The following PRSS23 variants were observed in gnomAD, a reference collection of about 807,000 sequenced individuals.
PRSS23 encodes the protein protease, serine 23.
A neutral mutation model predicts 34.7 loss-of-function variants in PRSS23; 25 were observed. The observed-to-expected ratio is 0.72, with a 90% CI of 0.53 to 1.01. The LOEUF (loss-of-function observed/expected upper bound fraction) is 1.01, where lower values mean the gene tolerates loss of function less well. Ranked by LOEUF, PRSS23 falls within the 50% of genes least tolerant of loss-of-function variation. The pLI is 0.00. For synonymous variants in PRSS23, 176 were observed against 186.6 expected, an observed-to-expected ratio of 0.94 and a Z score of 0.46; for missense variants, 445 against 475.6, an observed-to-expected ratio of 0.94 and a Z score of 0.60.
intron 1 of PRSS23, among the ~76,000 whole-genome samples, chr11:86,805,355 A>C (rs148951813): frequency 3.0e-4 from 45 of 152,318 alleles, no homozygotes; most frequent in African/African-American, 9.4e-4. Context: ...TCTCCATTGG[A>C]GAGGAGGACT....
intron 2 of PRSS23, among the ~76,000 whole-genome samples, chr11:86,928,504 T>A (rs1251319227): frequency 6.8e-6 from 1 of 147,272 alleles, no homozygotes; most frequent in African/African-American, 2.5e-5. Flanking sequence ...TAAAACCCCA[T>A]CTCTACTAAA....
chr11:86,818,230 A>G (rs1036706020), intron 1 of PRSS23, among the ~76,000 whole-genome samples: 2 of 152,214 alleles, frequency 1.3e-5, no homozygotes, highest in South Asian at 4.1e-4. Context: ...TATAAAACAA[A>G]TCATGTGTGA....
At chr11:86,908,328 C>T (rs1026155751) in intron 2 of PRSS23, among the ~76,000 whole-genome samples, 11 of 152,176 alleles carry the variant, frequency 7.2e-5, no homozygotes, top group African/African-American at 2.7e-4. Flanking sequence ...CAACAATGTA[C>T]AAGGAAACAC....
intron 2 of PRSS23, among the ~76,000 whole-genome samples, chr11:86,912,686 T>C (rs185137960): frequency 6.6e-6 from 1 of 152,326 alleles, no homozygotes; most frequent in East Asian, 1.9e-4. Context: ...TCATTATAAG[T>C]CTATTCTCAT....
intron 2 of PRSS23, among the ~76,000 whole-genome samples, chr11:86,876,103 C>G (rs1431866123): frequency 1.3e-5 from 2 of 152,112 alleles, no homozygotes; most frequent in Non-Finnish European, 2.9e-5. Flanking sequence ...CAATTAATAA[C>G]CCTGCCTGAA....
intron 2 of PRSS23, among the ~76,000 whole-genome samples, chr11:86,834,253 G>T (rs187747894): frequency 6.6e-6 from 1 of 152,160 alleles, no homozygotes; most frequent in Admixed American, 6.5e-5. Flanking sequence ...GAAAGATTTG[G>T]TGAAGGGTTT....
rs114127515 is a variant in PRSS23 at position 86,944,040 on chromosome 11, C to T, written c.207-7176C>T. Among the ~76,000 whole-genome samples the T allele has an allele frequency of 2.6e-3, 396 of 152,136 alleles. 1 individual carries two copies. The highest frequency in any genetic ancestry group is 9.0e-3 in the African/African-American group (375 of 41,502). On this transcript the variant is annotated intron_variant, in intron 2 of 2. Transcript: ENST00000533902. The stretch of plus-strand genomic sequence containing the variant: ...ACAGGTGTGAGCCACTGCGCCTCGC[C>T]CATAGGAATTTATTCTTACACAGTT...
chr11:86,885,259 C>T (rs952100113), intron 2 of PRSS23, among the ~76,000 whole-genome samples: 2 of 152,122 alleles, frequency 1.3e-5, no homozygotes, highest in Non-Finnish European at 2.9e-5. Context: ...GCAAAATTAG[C>T]AAAGGAAAGC....
chr11:86,793,552 T>C (rs1230231752), intron 1 of PRSS23, among the ~76,000 whole-genome samples: 1 of 152,188 alleles, frequency 6.6e-6, no homozygotes, highest in Non-Finnish European at 1.5e-5. Context: ...TTATCTGACA[T>C]GAACTGTAAG....
At chr11:86,797,174 T>C (rs555125414), upstream of PRSS23, among the ~76,000 whole-genome samples, 16 of 152,388 alleles carry the variant, frequency 1.0e-4, no homozygotes, top group South Asian at 3.1e-3. Flanking sequence ...ATTACAATTA[T>C]AGAGTTGAAC....
chr11:86,862,346 C>T (rs963523883), intron 2 of PRSS23, among the ~76,000 whole-genome samples: 52 of 151,648 alleles, frequency 3.4e-4, no homozygotes, highest in African/African-American at 1.2e-3. Context: ...GGTGTTACTC[C>T]TAATGTACAG....
rs530100603 is a variant in PRSS23 at position 86,891,451 on chromosome 11, T to C, written c.207-59765T>C. On this transcript the variant is annotated intron_variant, in intron 2 of 2. Transcript: ENST00000533902. ...TACCAGTGTGTAATTATCCAACTCC[T>C]GTGCCTGTTGAAAGCTCCTCCAGGC... 2.0e-5 allele frequency among the ~76,000 whole-genome samples: 3 copies of C among 152,298 alleles called. No homozygotes were observed. The East Asian group carries it at 5.8e-4, about 29-fold the overall frequency.
intron 2 of PRSS23, among the ~76,000 whole-genome samples, chr11:86,860,400 G>A (rs77835361): frequency 0.026 from 3,985 of 151,810 alleles, 188 homozygotes; most frequent in African/African-American, 0.091. Context: ...TAATATCCAG[G>A]GGGTGAGAGG....
intron 2 of PRSS23, among the ~76,000 whole-genome samples, chr11:86,876,229 T>A (rs932455055): frequency 6.6e-6 from 1 of 152,080 alleles, no homozygotes; most frequent in Admixed American, 6.6e-5. Flanking sequence ...ATGCTTGCCA[T>A]GTACCAAACA....
intron 2 of PRSS23, among the ~76,000 whole-genome samples, chr11:86,904,191 G>C (rs1948928329): frequency 6.6e-6 from 1 of 152,180 alleles, no homozygotes; most frequent in Non-Finnish European, 1.5e-5. Flanking sequence ...TGTGGACCCA[G>C]GTTGAAGGAA....
chr11:86,825,798 C>T (rs1460748746), intron 2 of PRSS23, among the ~76,000 whole-genome samples: 6 of 149,846 alleles, frequency 4.0e-5, no homozygotes, highest in South Asian at 2.1e-4. Context: ...TGTAGATATG[C>T]GGCGTTATTT....
chr11:86,947,012 T>G (rs1949248974), intron 2 of PRSS23: 1 of 152,390 alleles, frequency 6.6e-6, no homozygotes, highest in Non-Finnish European at 1.5e-5. Context: ...GAGACCAGCC[T>G]GGCCAACACA....
At chr11:86,888,684 A>G (rs1435204419) in intron 2 of PRSS23, among the ~76,000 whole-genome samples, 1 of 152,216 alleles carries the variant, frequency 6.6e-6, no homozygotes, top group Non-Finnish European at 1.5e-5. Context: ...CTAAGACTTA[A>G]AGGAGAGCCC....
At chr11:86,791,919 T>C (rs550070032) in intron 1 of PRSS23, among the ~76,000 whole-genome samples, 31 of 152,364 alleles carry the variant, frequency 2.0e-4, no homozygotes, top group Non-Finnish European at 4.0e-4. Context: ...ACAGGGTTCT[T>C]ATGACTAGCT....
Sources: allele counts gnomAD v4.1 joint callset (sites outside exome capture counted in the v4.1 genomes callset), GRCh38; gene constraint gnomAD v4.1.1; transcripts MANE v1.5; gene names NCBI Gene and HGNC (gene_info 2026-07-23, HGNC 2026-07-21).